The following OPCML variants were observed in gnomAD, a reference collection of about 807,000 sequenced individuals.
OPCML encodes the protein opioid-binding protein/cell adhesion molecule.
Under a neutral mutation model 37.8 loss-of-function variants are expected in OPCML, and 13 were observed. That is an observed-to-expected ratio of 0.34 (90% CI 0.22 to 0.55). The LOEUF is 0.55. Among genes scored for constraint, OPCML ranks in the 20% least tolerant of loss-of-function variants. OPCML has a pLI of 0.91. For missense variants in OPCML, 341 were observed against 435.6 expected (o/e 0.78, Z 1.93); for synonymous variants, 176 against 168.8 (o/e 1.04, Z -0.33).
chr11:132,903,555 C>A (rs1944134765), intron 2 of OPCML, among the ~76,000 whole-genome samples: 5 of 152,048 alleles, frequency 3.3e-5, no homozygotes. Context: ...CTCATTATAC[C>A]CTCCTCCCTT....
intron 1 of OPCML, among the ~76,000 whole-genome samples, chr11:132,992,324 T>C (rs1946797977): frequency 6.6e-6 from 1 of 152,098 alleles, no homozygotes; most frequent in Non-Finnish European, 1.5e-5. Context: ...GAAATATATG[T>C]ATATACATGT....
intron 1 of OPCML, among the ~76,000 whole-genome samples, chr11:133,013,148 C>A (rs1947253045): frequency 6.6e-6 from 1 of 152,218 alleles, no homozygotes; most frequent in South Asian, 2.1e-4. Flanking sequence ...TCCGGTGGAG[C>A]CCACTTAACT....
At chr11:132,724,416 A>C (rs575613188) in intron 2 of OPCML, among the ~76,000 whole-genome samples, 2 of 152,270 alleles carry the variant, frequency 1.3e-5, no homozygotes, top group East Asian at 3.9e-4. Context: ...CTTATTCACA[A>C]TCACGAGAAC....
At chr11:132,563,366 G>T (rs900540809) in intron 3 of OPCML, among the ~76,000 whole-genome samples, 1 of 152,030 alleles carries the variant, frequency 6.6e-6, no homozygotes, top group Non-Finnish European at 1.5e-5. Context: ...TGAGAAAGAG[G>T]TGTGTGTATG....
chr11:132,497,391 C>G (rs556373995), intron 4 of OPCML, among the ~76,000 whole-genome samples: 22 of 149,516 alleles, frequency 1.5e-4, no homozygotes, highest in Non-Finnish European at 2.8e-4. Context: ...GCACATGTAC[C>G]CCTGAACTTA....
intron 1 of OPCML, among the ~76,000 whole-genome samples, chr11:132,961,932 G>C (rs981172068): frequency 3.3e-5 from 5 of 152,172 alleles, no homozygotes; most frequent in African/African-American, 9.7e-5. Context: ...AGTTTCCTCT[G>C]CAAAAGCACT....
At chr11:133,312,772 A>C (rs1943095960) in intron 1 of OPCML, among the ~76,000 whole-genome samples, 1 of 152,108 alleles carries the variant, frequency 6.6e-6, no homozygotes, top group African/African-American at 2.4e-5. Flanking sequence ...ACATTCTAAA[A>C]CTCTGTCATT....
At chr11:132,788,056 T>C (rs1002946985) in intron 2 of OPCML, among the ~76,000 whole-genome samples, 3 of 152,128 alleles carry the variant, frequency 2.0e-5, no homozygotes, top group Non-Finnish European at 4.4e-5. Context: ...AATTTTTGTA[T>C]TTTTAGTAGA....
intron 1 of OPCML, among the ~76,000 whole-genome samples, chr11:133,125,015 G>A (rs1371933256): frequency 2.0e-5 from 3 of 152,036 alleles, no homozygotes; most frequent in Admixed American, 2.0e-4. Context: ...ATACAAATAA[G>A]GACAAAAAGC....
chr11:132,950,966 G>A (rs1383872276), intron 1 of OPCML, among the ~76,000 whole-genome samples: 1 of 152,102 alleles, frequency 6.6e-6, no homozygotes. Flanking sequence ...TTAAGACCTC[G>A]GCCTGTTTTG....
intron 1 of OPCML, among the ~76,000 whole-genome samples, chr11:133,509,431 C>T (rs148469580): frequency 2.9e-4 from 44 of 152,286 alleles, no homozygotes; most frequent in African/African-American, 9.9e-4. Flanking sequence ...TAGTATTCCA[C>T]GGGGTATATG....
chr11:133,521,184 G>A (rs933854412), intron 1 of OPCML, among the ~76,000 whole-genome samples: 1 of 152,158 alleles, frequency 6.6e-6, no homozygotes, highest in African/African-American at 2.4e-5. Context: ...CCTGACCTTT[G>A]GGTCCACTTG....
chr11:133,030,126 T>A (rs752489234), intron 1 of OPCML, among the ~76,000 whole-genome samples: 41 of 152,300 alleles, frequency 2.7e-4, no homozygotes, highest in Non-Finnish European at 4.7e-4. Context: ...TCCCAGAAAC[T>A]GTTCCCTAGT....
chr11:132,517,002 C>T (rs901848524), intron 4 of OPCML, among the ~76,000 whole-genome samples: 3 of 152,040 alleles, frequency 2.0e-5, no homozygotes, highest in South Asian at 2.1e-4. Context: ...GACTCCAGGC[C>T]GCCACCTCTC....
chr11:132,842,413 C>G (rs1160375742), intron 2 of OPCML, among the ~76,000 whole-genome samples: 2 of 152,196 alleles, frequency 1.3e-5, no homozygotes, highest in Non-Finnish European at 2.9e-5. Flanking sequence ...TCCCCTCTTC[C>G]CAGCAATATT....
At chr11:133,095,030 T>C (rs1484010402) in intron 1 of OPCML, among the ~76,000 whole-genome samples, 4 of 152,042 alleles carry the variant, frequency 2.6e-5, no homozygotes, top group Non-Finnish European at 5.9e-5. Context: ...TAGTGCATTA[T>C]ATTCCCAAGG....
At position 133,212,857 on chromosome 11, in the gene OPCML, C is replaced by T. The variant is rs569058334; in HGVS notation, c.62-269847G>A. Among the ~76,000 whole-genome samples, 1 of 152,290 alleles carries T rather than the reference C, an allele frequency of 6.6e-6. No homozygotes were observed. The highest frequency in any genetic ancestry group is 1.9e-4 in the East Asian group (1 of 5,176). ...GACACTGCACCCTTTGTATGGGTTT[C>T]CATACTCTAAAATTCCACGTTTGTA... is the stretch of plus-strand genomic sequence containing the variant. On this transcript the variant is annotated intron_variant, in intron 1 of 7. Coordinates refer to ENST00000524381, the MANE Select transcript of OPCML (RefSeq NM_001012393.5). This position sits in a 1 kb window ranked among gnomAD's most constrained non-coding sequence, Gnocchi z 4.9.
chr11:133,106,356 C>G (rs960668000), intron 1 of OPCML, among the ~76,000 whole-genome samples: 7 of 152,204 alleles, frequency 4.6e-5, no homozygotes, highest in Non-Finnish European at 1.0e-4. Context: ...CTGATATGCT[C>G]TTTAGAGTAC....
intron 1 of OPCML, among the ~76,000 whole-genome samples, chr11:133,235,512 C>T (rs1940474180): frequency 6.6e-6 from 1 of 152,162 alleles, no homozygotes. Flanking sequence ...ATATTCAACT[C>T]AAACAACAGC....
Sources: gnomAD v4.1 joint callset for allele counts (sites outside exome capture counted in the v4.1 genomes callset) on GRCh38, gnomAD v4.1.1 for gene constraint, Gnocchi (gnomAD v3.1) non-coding constraint, MANE v1.5 for transcripts, NCBI Gene and HGNC (gene_info 2026-07-23, HGNC 2026-07-21) for gene names.